CREB3L2: variants seen among roughly 807,000 people sequenced by gnomAD.
CREB3L2 encodes the protein cAMP responsive element binding protein 3 like 2, also known as cyclic AMP-responsive element-binding protein 3-like protein 2.
A neutral mutation model predicts 57.2 loss-of-function variants in CREB3L2; 23 were observed. The ratio of observed to expected loss-of-function variants is 0.40; its 90% confidence interval spans 0.29 to 0.57. The LOEUF (loss-of-function observed/expected upper bound fraction) is 0.57, where lower values mean the gene tolerates loss of function less well. CREB3L2 is among the 20% of genes least tolerant of loss of function. The pLI is 0.42. For missense variants in CREB3L2, 628 were observed against 634.7 expected, an observed-to-expected ratio of 0.99 and a Z score of 0.11; for synonymous variants, 268 against 265.1, an observed-to-expected ratio of 1.01 and a Z score of -0.11.
chr7:137,968,353 A>AT (rs1329032826), intron 1 of CREB3L2, among the ~76,000 whole-genome samples: 1 of 151,824 alleles, frequency 6.6e-6, no homozygotes, highest in Non-Finnish European at 1.5e-5. Context: ...AACGCTATCC[A>AT]TCCCCCAGCC....
At chr7:137,934,756 T>G (rs184424154) in intron 1 of CREB3L2, among the ~76,000 whole-genome samples, 1 of 152,330 alleles carries the variant, frequency 6.6e-6, no homozygotes, top group Admixed American at 6.5e-5. Context: ...ATGGAGATAC[T>G]TATTCGGCCT....
chr7:137,973,322 T>C (rs1305660439), intron 1 of CREB3L2, among the ~76,000 whole-genome samples: 2 of 152,006 alleles, frequency 1.3e-5, no homozygotes, highest in Non-Finnish European at 2.9e-5. Context: ...ATCCACACAC[T>C]CCTGGTGAGG....
At chr7:137,944,671 A>T (rs2117262390) in intron 1 of CREB3L2, among the ~76,000 whole-genome samples, 1 of 152,346 alleles carries the variant, frequency 6.6e-6, no homozygotes, top group South Asian at 2.1e-4. Context: ...TGGCTATGAA[A>T]ACAAACTGCT....
At chr7:137,955,708 A>G (rs1178632490) in intron 1 of CREB3L2, among the ~76,000 whole-genome samples, 2 of 152,194 alleles carry the variant, frequency 1.3e-5, no homozygotes, top group African/African-American at 4.8e-5. Flanking sequence ...AGATCTGAGC[A>G]CCATCCTCTC....
chr7:137,989,734 G>A (rs1212760839), intron 1 of CREB3L2, among the ~76,000 whole-genome samples: 3 of 152,056 alleles, frequency 2.0e-5, no homozygotes, highest in African/African-American at 7.2e-5. Flanking sequence ...CAGAATTACT[G>A]TGCCTGAAAG....
intron 1 of CREB3L2, among the ~76,000 whole-genome samples, chr7:137,986,800 ACGTGCCTCATGTTCCT>A (rs1347538555): frequency 7.2e-5 from 11 of 152,356 alleles, no homozygotes; most frequent in Non-Finnish European, 7.3e-5. Flanking sequence ...CTGGATTTCG[ACGTGCCTCATGTTCCT>A]CAGCTTGTAA....
chr7:137,943,140 G>C (rs273994), intron 1 of CREB3L2, among the ~76,000 whole-genome samples: 102,391 of 151,982 alleles, frequency 0.67, 34,874 homozygotes, highest in East Asian at 0.83. Flanking sequence ...GGTCTCTTTT[G>C]TTAGGAAATA....
chr7:137,887,446 C>A (rs888549552), intron 8 of CREB3L2, among the ~76,000 whole-genome samples: 1 of 152,194 alleles, frequency 6.6e-6, no homozygotes, highest in Non-Finnish European at 1.5e-5. Context: ...CGGTGGCTCA[C>A]GCCTGTAATC....
chr7:137,920,585 A>C (rs575507051), intron 2 of CREB3L2, among the ~76,000 whole-genome samples: 2 of 152,352 alleles, frequency 1.3e-5, no homozygotes, highest in East Asian at 3.8e-4. Context: ...AATATAGCCG[A>C]ATGTATGAAA....
At chr7:137,970,302 A>G (rs978629514) in intron 1 of CREB3L2, among the ~76,000 whole-genome samples, 1 of 152,232 alleles carries the variant, frequency 6.6e-6, no homozygotes, top group Admixed American at 6.5e-5. Context: ...AATTCCAAAG[A>G]ATAAGCTGAC....
At chr7:137,977,790 G>A (rs1239241821) in intron 1 of CREB3L2, among the ~76,000 whole-genome samples, 4 of 152,064 alleles carry the variant, frequency 2.6e-5, no homozygotes, top group East Asian at 1.9e-4. Flanking sequence ...GTGTGGTGGC[G>A]CACACCTGTA....
rs933957345 is a variant in CREB3L2 at position 137,877,760 on chromosome 7, A to G, written c.*2716T>C. 1.3e-5 allele frequency: 3 copies of G among 228,510 alleles called. No homozygotes were observed. Among genetic ancestry groups the G allele is most frequent in the Admixed American group, 5.7e-5 (1 of 17,618 alleles). 14.2% of individuals were successfully genotyped at this position (228,510 alleles called of 1,614,324 possible). On this transcript the variant is annotated 3_prime_UTR_variant, in exon 12 of 12. Coordinates refer to ENST00000330387, the MANE Select transcript of CREB3L2 (RefSeq NM_194071.4). ...CTATTTGAAATCTTTAGAGCTAATC[A>G]TAAGTTAATGACTAGTCTAAGAGGC...
At chr7:137,944,925 C>G (rs1191258093) in intron 1 of CREB3L2, among the ~76,000 whole-genome samples, 1 of 151,998 alleles carries the variant, frequency 6.6e-6, no homozygotes, top group Non-Finnish European at 1.5e-5. Context: ...CAGAGTCTTG[C>G]TCTGTAGACC....
rs1801684900 is a variant in CREB3L2, at chr7:137,980,003, A to G, written c.102+21601T>C. 6.6e-6 allele frequency among the ~76,000 whole-genome samples: 1 copy of G among 152,220 alleles called. No individual in the cohort carries two copies. Among genetic ancestry groups the G allele is most frequent in the African/African-American group, 2.4e-5 (1 of 41,470 alleles). On this transcript the variant is annotated intron_variant, in intron 1 of 11. Coordinates refer to ENST00000330387, the MANE Select transcript of CREB3L2 (RefSeq NM_194071.4). This position sits in a 1 kb window ranked among gnomAD's most constrained non-coding sequence, Gnocchi z 4.3. Reference sequence around the variant, plus strand: ...GATGGGTGAGTCCAATCAGCCTCACAGGAGGCAGCAGAATATTCTAGCCAG... The same window carrying G: ...GATGGGTGAGTCCAATCAGCCTCACGGGAGGCAGCAGAATATTCTAGCCAG...
Position 138,001,700 on chromosome 7 carries a change from C to A in CREB3L2, c.6G>T (p.Glu2Asp). ...CGCCCTGCTCCCCGCTCTCCAGCAC[C>A]TCCATGGCGGTGCGGGCCGCGCTGG... M[E>D]VLESGEQGVL... The change falls in exon 1 of 12, where the codon GAG becomes GAT. Residue 2 changes from glutamate (E) to aspartate (D), a missense_variant. Around this residue, in one of 3 missense-constraint regions of CREB3L2, gnomAD observed 339 missense variants for 355.4 expected, o/e 0.95. Transcript: ENST00000330387. This position sits in a 1 kb window ranked among gnomAD's most constrained non-coding sequence, Gnocchi z 4.2. The A allele has an allele frequency of 6.2e-7, 1 of 1,609,868 alleles. No homozygotes were observed. The highest frequency in any genetic ancestry group is 8.5e-7 in the Non-Finnish European group (1 of 1,179,196).
In CREB3L2 at chr7:138,001,509, C is replaced by G. The variant is rs1197790941; in HGVS notation, c.102+95G>C. 1.1e-6 allele frequency: 1 copy of G among 900,140 alleles called. No homozygotes were observed. Among genetic ancestry groups the G allele is most frequent in the African/African-American group, 1.7e-5 (1 of 60,434 alleles). 55.8% of individuals were successfully genotyped at this position (900,140 alleles called of 1,614,324 possible). ...GATTCTGACCATGCCCTGCCCCAAA[C>G]CCTGCCTTCCCGGGTCCCAGGACTC... On this transcript the variant is annotated intron_variant, in intron 1 of 11. Transcript: ENST00000330387. This position sits in a 1 kb window ranked among gnomAD's most constrained non-coding sequence, Gnocchi z 4.2.
rs924633328 is a variant in CREB3L2, at chr7:137,879,939, C to T, written c.*537G>A. The T allele has an allele frequency of 1.3e-5, 3 of 236,730 alleles. No individual in the cohort carries two copies. The highest frequency in any genetic ancestry group is 6.6e-5 in the African/African-American group (3 of 45,274). The allele number at this position is 236,730 out of a possible 1,614,324, so 14.7% of individuals were successfully genotyped here. A position where few individuals can be genotyped will look rare whatever the true frequency, so the allele number is the denominator to read the frequency against. Reference sequence around the variant, plus strand: ...CGCCTGCCAGTGCTGCTGCAGGAGACGAGACGATCCAGCGAGGGCTCCCAG... The same window carrying T: ...CGCCTGCCAGTGCTGCTGCAGGAGATGAGACGATCCAGCGAGGGCTCCCAG... On this transcript the variant is annotated 3_prime_UTR_variant, in exon 12 of 12. Coordinates refer to ENST00000330387, the MANE Select transcript of CREB3L2 (RefSeq NM_194071.4).
At chr7:137,925,731 C>T (rs942386709) in intron 2 of CREB3L2, among the ~76,000 whole-genome samples, 5 of 152,202 alleles carry the variant, frequency 3.3e-5, no homozygotes, top group African/African-American at 4.8e-5. Context: ...CTTTGCTGAA[C>T]AAGTTCCCCA....
At chr7:137,972,923 G>A (rs866425385) in intron 1 of CREB3L2, among the ~76,000 whole-genome samples, 42 of 151,174 alleles carry the variant, frequency 2.8e-4, no homozygotes, top group African/African-American at 1.0e-3. Flanking sequence ...CAAGGCCCCA[G>A]AATGGACACC....
Sources: gnomAD v4.1 joint callset for allele counts (sites outside exome capture counted in the v4.1 genomes callset) on GRCh38, gnomAD v4.1.1 for gene constraint, gnomAD v4.1.1 regional missense constraint, Gnocchi (gnomAD v3.1) non-coding constraint, MANE v1.5 for transcripts, NCBI Gene and HGNC (gene_info 2026-07-23, HGNC 2026-07-21) for gene names.